Variants in KLHL2 observed in about 807,000 individuals in gnomAD.
KLHL2 encodes the protein kelch like family member 2.
In KLHL2, 15 loss-of-function variants were observed where a neutral mutation model predicts 75.8. The ratio of observed to expected loss-of-function variants is 0.20; its 90% confidence interval spans 0.13 to 0.30. The LOEUF is 0.30. KLHL2 is among the 10% of genes least tolerant of loss of function. The pLI, the probability that KLHL2 is intolerant of heterozygous loss-of-function variation, is 1.00. For missense variants in KLHL2, 381 were observed against 741.0 expected, an observed-to-expected ratio of 0.51 and a Z score of 5.64; for synonymous variants, 214 against 251.9, an observed-to-expected ratio of 0.85 and a Z score of 1.42.
At chr4:165,239,008 G>T in intron 4 of KLHL2, 109 bp downstream of exon 4, 6 of 1,464,636 alleles carry the variant, frequency 4.1e-6, no homozygotes, top group Middle Eastern at 1.8e-4. Flanking sequence ...AGGATTCATT[G>T]TGAAAATTGT....
At chr4:165,213,798 T>C (rs1737358091) in intron 1 of KLHL2, among the ~76,000 whole-genome samples, 1 of 152,186 alleles carries the variant, frequency 6.6e-6, no homozygotes, top group African/African-American at 2.4e-5. Flanking sequence ...TAACTTTGAA[T>C]TGAATGTTGC....
chr4:165,263,183 T>C lies in KLHL2; in HGVS notation c.382-14T>C, dbSNP rs764312450. ...CCACCCAAGTGCCTAAGAATATTGA[T>C]GTGTGTGTTGCAGGTACTTCTCCCA... On this transcript the variant is annotated splice_polypyrimidine_tract_variant and intron_variant, in intron 4 of 14. Transcript: ENST00000226725. 1.4e-5 allele frequency: 22 copies of C among 1,611,932 alleles called. No homozygotes were observed. Among genetic ancestry groups the C allele is most frequent in the African/African-American group, 2.7e-5 (2 of 74,864 alleles).
rs1737850510 is a variant in KLHL2 at position 165,219,927 on chromosome 4, T to C, written c.27-7T>C. On this transcript the variant is annotated splice_region_variant and splice_polypyrimidine_tract_variant and intron_variant, in intron 1 of 14. Coordinates refer to ENST00000226725, the MANE Select transcript of KLHL2 (RefSeq NM_007246.4). ...TTTCTGTTTTTGTTCTTTTCTTTTATGTACAGATGCACAAAGCAGGGTCAT... is the reference window on the plus strand; with the variant it reads ...TTTCTGTTTTTGTTCTTTTCTTTTACGTACAGATGCACAAAGCAGGGTCAT... The C allele has an allele frequency of 2.5e-6, 4 of 1,601,556 alleles. No homozygotes were observed. Among genetic ancestry groups the C allele is most frequent in the South Asian group, 1.1e-5 (1 of 88,444 alleles).
At chr4:165,321,884 A>G in intron 14 of KLHL2, 148 bp from the exon 15 acceptor site, 1 of 716,948 alleles carries the variant, frequency 1.4e-6, no homozygotes, top group Non-Finnish European at 2.4e-6. Flanking sequence ...TTCAAATGAT[A>G]ATACTACTAA....
chr4:165,238,759 T>G lies in KLHL2; in HGVS notation c.260-19T>G, dbSNP rs762511578. On this transcript the variant is annotated intron_variant, in intron 3 of 14. Coordinates refer to ENST00000226725, the MANE Select transcript of KLHL2 (RefSeq NM_007246.4). ...GCAGTGTCTTGCTGTAACATCACTC[T>G]TATTCCTTTGTGTTTTAGGTGAGAT... 4 of 1,613,318 alleles carry G rather than the reference T, an allele frequency of 2.5e-6. No homozygotes were observed. The highest frequency in any genetic ancestry group is 3.4e-6 in the Non-Finnish European group (4 of 1,179,802).
At chr4:165,268,422 T>C (rs1308525320) in intron 5 of KLHL2, among the ~76,000 whole-genome samples, 1 of 152,324 alleles carries the variant, frequency 6.6e-6, no homozygotes. Context: ...TGATTTTAGA[T>C]CTTTTCTGCT....
In KLHL2 at chr4:165,277,815, G is replaced by A. The variant is rs1743261083; in HGVS notation, c.544+14456G>A. The A allele has an allele frequency of 7.8e-6, 5 of 643,056 alleles. No homozygotes were observed. The South Asian group carries it at 9.0e-5, about 12-fold the overall frequency. 39.8% of individuals were successfully genotyped at this position (643,056 alleles called of 1,614,324 possible). On this transcript the variant is annotated intron_variant, in intron 5 of 14. Transcript: ENST00000226725. ...ATATTTCTATAGCATTCTTTTTGCT[G>A]CATTTTCTTTATTTTAAGCCACAGG...
chr4:165,273,337 C>T (rs530556709), intron 5 of KLHL2, among the ~76,000 whole-genome samples: 1 of 152,314 alleles, frequency 6.6e-6, no homozygotes, highest in African/African-American at 2.4e-5. Flanking sequence ...AATGCCATTA[C>T]AAAGACCATG....
chr4:165,296,513 T>G (rs1204253373), intron 6 of KLHL2, among the ~76,000 whole-genome samples: 1 of 152,128 alleles, frequency 6.6e-6, no homozygotes, highest in East Asian at 1.9e-4. Flanking sequence ...TTAGATTCAG[T>G]GTGGAGGGTT....
At chr4:165,256,072 T>A (rs1448429678) in intron 4 of KLHL2, among the ~76,000 whole-genome samples, 1 of 152,060 alleles carries the variant, frequency 6.6e-6, no homozygotes, top group African/African-American at 2.4e-5. Flanking sequence ...TAATTTGGCT[T>A]GTCAAACAAT....
At chr4:165,293,032 G>A (rs947633016) in intron 5 of KLHL2, among the ~76,000 whole-genome samples, 1 of 152,070 alleles carries the variant, frequency 6.6e-6, no homozygotes, top group African/African-American at 2.4e-5. Context: ...GGAAACCAAG[G>A]CTTAGGGAAA....
intron 4 of KLHL2, among the ~76,000 whole-genome samples, chr4:165,251,462 C>A (rs1298136178): frequency 6.6e-6 from 1 of 151,778 alleles, no homozygotes; most frequent in African/African-American, 2.4e-5. Flanking sequence ...TATTTTTATT[C>A]AATATAAGAA....
chr4:165,258,177 C>A (rs1579057875), intron 4 of KLHL2, among the ~76,000 whole-genome samples: 1 of 152,114 alleles, frequency 6.6e-6, no homozygotes, highest in Admixed American at 6.5e-5. Context: ...TCCCTCAGTG[C>A]ATACACTATA....
intron 5 of KLHL2, among the ~76,000 whole-genome samples, chr4:165,284,012 G>A (rs1013719906): frequency 1.3e-5 from 2 of 152,188 alleles, no homozygotes; most frequent in African/African-American, 4.8e-5. Context: ...GAGTGGCTGG[G>A]ACACAGGGCA....
chr4:165,266,367 T>C lies in KLHL2; in HGVS notation c.544+3008T>C, dbSNP rs112548048. ...ATTTTGGCTTTTGTTGCCATTGCTTTTGGTGTTTTAGTCATGATGTCTTTG... is the reference window on the plus strand; with the variant it reads ...ATTTTGGCTTTTGTTGCCATTGCTTCTGGTGTTTTAGTCATGATGTCTTTG... On this transcript the variant is annotated intron_variant, in intron 5 of 14. Transcript: ENST00000226725. Among the ~76,000 whole-genome samples the C allele has an allele frequency of 3.3e-5, 5 of 152,352 alleles. No homozygotes were observed. The East Asian group carries it at 9.6e-4, about 29-fold the overall frequency.
intron 5 of KLHL2, among the ~76,000 whole-genome samples, chr4:165,293,488 A>G (rs1438049948): frequency 6.6e-6 from 1 of 151,408 alleles, no homozygotes; most frequent in East Asian, 1.9e-4. Context: ...TCATAAACCA[A>G]TTCTGTCTCT....
chr4:165,313,196 GT>G, intron 11 of KLHL2, 41 bp from the exon 12 acceptor site: 1 of 1,585,436 alleles, frequency 6.3e-7, no homozygotes, highest in Non-Finnish European at 8.6e-7. Context: ...TTGTTTGTTT[GT>G]TTTTTAATAA....
chr4:165,242,094 A>C (rs1031771776), intron 4 of KLHL2, among the ~76,000 whole-genome samples: 11 of 149,476 alleles, frequency 7.4e-5, no homozygotes, highest in African/African-American at 2.8e-4. Context: ...ATTTGAGCTA[A>C]ATGAATTTAC....
intron 5 of KLHL2, among the ~76,000 whole-genome samples, chr4:165,287,188 A>G (rs1368379080): frequency 1.3e-5 from 2 of 152,162 alleles, no homozygotes; most frequent in African/African-American, 4.8e-5. Flanking sequence ...AAGTATTATT[A>G]TACTTCCTGT....
Sources: gnomAD v4.1 joint callset for allele counts (sites outside exome capture counted in the v4.1 genomes callset) on GRCh38, gnomAD v4.1.1 for gene constraint, MANE v1.5 for transcripts, NCBI Gene and HGNC (gene_info 2026-07-23, HGNC 2026-07-21) for gene names.